The following RALGDS variants were observed in gnomAD, a reference collection of about 807,000 sequenced individuals.
RALGDS encodes ral guanine nucleotide exchange factor.
A neutral mutation model predicts 99.8 loss-of-function variants in RALGDS; 44 were observed. The ratio of observed to expected loss-of-function variants is 0.44; its 90% confidence interval spans 0.35 to 0.57. The LOEUF (loss-of-function observed/expected upper bound fraction) is 0.57, where lower values mean the gene tolerates loss of function less well. Among genes scored for constraint, RALGDS ranks in the 20% least tolerant of loss-of-function variants. RALGDS has a pLI of 0.01. For missense variants in RALGDS, 1,022 were observed against 1,203.1 expected (o/e 0.85, Z 2.23); for synonymous variants, 529 against 505.0 (o/e 1.05, Z -0.64).
In RALGDS at chr9:133,098,755, C is replaced by A; in HGVS notation, c.2577G>T (p.Lys859Asn). The A allele has an allele frequency of 6.2e-7, 1 of 1,613,960 alleles. No homozygotes were observed. Among genetic ancestry groups the A allele is most frequent in the Non-Finnish European group, 8.5e-7 (1 of 1,179,980 alleles). Residue 859 changes from lysine (K) to asparagine (N), a missense_variant, in exon 18 of 18, where the codon AAG becomes AAT. Around this residue, in one of 3 missense-constraint regions of RALGDS, gnomAD observed 825 missense variants for 994.5 expected, o/e 0.83. Coordinates refer to ENST00000372050, the MANE Select transcript of RALGDS (RefSeq NM_006266.4). Reference sequence around the variant, plus strand: ...AGAAGACGTTGGCGTTTTCAGGGATCTTCAGCTCTGGTGGGGAGGGGCAGA... The same window carrying A: ...AGAAGACGTTGGCGTTTTCAGGGATATTCAGCTCTGGTGGGGAGGGGCAGA... ...LQILSDDRKL[K>N]IPENANVFYA...
chr9:133,143,677 C>T (rs1265171046), intron 1 of RALGDS, among the ~76,000 whole-genome samples: 6 of 150,860 alleles, frequency 4.0e-5, no homozygotes, highest in Non-Finnish European at 7.4e-5. Flanking sequence ...AGGTCGAGGA[C>T]GCAGTGAGCC....
chr9:133,132,962 G>T (rs750743523), upstream of RALGDS, among the ~76,000 whole-genome samples: 1 of 152,182 alleles, frequency 6.6e-6, no homozygotes, highest in Non-Finnish European at 1.5e-5. Context: ...TCATAGTGGG[G>T]GTGGGGGACC....
At chr9:133,112,322 G>A (rs889586126) in intron 1 of RALGDS, among the ~76,000 whole-genome samples, 170 bp from the exon 2 acceptor site, 1 of 151,894 alleles carries the variant, frequency 6.6e-6, no homozygotes, top group Non-Finnish European at 1.5e-5. Flanking sequence ...CCACTGTCCC[G>A]GCACTCCACT....
At position 133,129,072 on chromosome 9, in the gene RALGDS, C is replaced by T. The variant is rs1832251456; in HGVS notation, c.132+1880G>A. The T allele has an allele frequency of 2.0e-6, 3 of 1,473,748 alleles. No homozygotes were observed. In the South Asian group the frequency reaches 4.0e-5, roughly 20 times the overall value. The allele number at this position is 1,473,748 out of a possible 1,614,324, so 91.3% of individuals were successfully genotyped here. A position where few individuals can be genotyped will look rare whatever the true frequency, so the allele number is the denominator to read the frequency against. On this transcript the variant is annotated intron_variant, in intron 1 of 17. Coordinates refer to the RALGDS transcript ENST00000372062. ...GAGTCCTGGGAAAGCAACTCCCATGCCTGGGGCTCGGCGGTGACCCACCCA... is the reference window on the plus strand; with the variant it reads ...GAGTCCTGGGAAAGCAACTCCCATGTCTGGGGCTCGGCGGTGACCCACCCA...
At position 133,112,102 on chromosome 9, in the gene RALGDS, G is replaced by A. The variant is rs765611594; in HGVS notation, c.234C>T (p.Ser78=). The part of the protein sequence containing the change: ...GEELINGVIY[S]ISLRKVQLHH... ...GCAGCTGCACCTTGCGCAGGGAGAT[G>A]GAGTAGATGACTCCGTTGATCAGCT... is the stretch of plus-strand genomic sequence containing the variant. Residue 78 remains serine (S), a synonymous_variant, in exon 2 of 18, where the codon TCC becomes TCT. Transcript: ENST00000372050. 3 of 1,585,414 alleles carry A rather than the reference G, an allele frequency of 1.9e-6. No homozygotes were observed. The highest frequency in any genetic ancestry group is 1.7e-5 in the Admixed American group (1 of 57,304).
intron 1 of RALGDS, chr9:133,129,108 G>T: frequency 1.3e-6 from 1 of 781,340 alleles, no homozygotes; most frequent in South Asian, 1.4e-5. Context: ...GCCCCTCCCC[G>T]GCAGAGGCAC....
chr9:133,140,491 A>G (rs1408619504), intron 1 of RALGDS, among the ~76,000 whole-genome samples: 1 of 152,086 alleles, frequency 6.6e-6, no homozygotes, highest in African/African-American at 2.4e-5. Flanking sequence ...TCCAGCAGAG[A>G]GGTCCTGCAC....
chr9:133,113,265 G>A (rs768474828), intron 1 of RALGDS, among the ~76,000 whole-genome samples: 18 of 152,316 alleles, frequency 1.2e-4, no homozygotes, highest in Middle Eastern at 3.4e-3. Flanking sequence ...GAGAAGGCCT[G>A]GCAGACAGTG....
In RALGDS at chr9:133,098,593, G is replaced by A. The variant is rs1486583138; in HGVS notation, c.2739C>T (p.Ile913=). 1.9e-6 allele frequency: 3 copies of A among 1,613,986 alleles called. No individual in the cohort carries two copies. Among genetic ancestry groups the A allele is most frequent in the Admixed American group, 3.3e-5 (2 of 60,014 alleles). ...KQKGLKIAKG[I]F is the part of the protein sequence containing the mutation. ...AGACCCTGGGAGGATGCCCTCAGAA[G>A]ATGCCCTTGGCAATCTTGAGTCCTT... is the stretch of plus-strand genomic sequence containing the variant. Residue 913 remains isoleucine, a synonymous_variant, in exon 18 of 18, where the codon ATC becomes ATT. Coordinates refer to ENST00000372050, the MANE Select transcript of RALGDS (RefSeq NM_006266.4).
Position 133,121,208 on chromosome 9 carries a change from G to A in RALGDS, c.-54C>T. 1.0e-6 allele frequency: 1 copy of A among 987,154 alleles called. No individual in the cohort carries two copies. The highest frequency in any genetic ancestry group is 1.2e-6 in the Non-Finnish European group (1 of 833,026). 61.1% of individuals were successfully genotyped at this position (987,154 alleles called of 1,614,324 possible). A position where few individuals can be genotyped will look rare whatever the true frequency, so the allele number is the denominator to read the frequency against. On this transcript the variant is annotated 5_prime_UTR_variant, in exon 1 of 18. Transcript: ENST00000372050. ...GGCCCGGCGCGCGGCGGGGGCGGCG[G>A]CGCGGCCCGCGCGGCTGGGCTTTGC... is the stretch of plus-strand genomic sequence containing the variant.
chr9:133,109,660 C>A lies in RALGDS; in HGVS notation c.550G>T (p.Asp184Tyr), dbSNP rs756045391. The stretch of plus-strand genomic sequence containing the variant: ...TGGTCCTGGGGTCCACCATCCTCGT[C>A]GGAATAGGGGAGGATGCAGCCGTAT... ...SRYGCILPYSDEDGGPQDQLK... is the reference protein window; with the variant it reads ...SRYGCILPYSYEDGGPQDQLK... Residue 184 changes from aspartate to tyrosine, a missense_variant, in exon 4 of 18, where the codon GAC (aspartate) becomes TAC (tyrosine). Asp to Tyr is a radical substitution (Grantham distance 160). This residue lies in a region of RALGDS where 825 missense variants were observed against 994.5 expected (regional missense o/e 0.83). Coordinates refer to ENST00000372050, the MANE Select transcript of RALGDS (RefSeq NM_006266.4). The A allele has an allele frequency of 1.9e-6, 3 of 1,613,790 alleles. No homozygotes were observed. The East Asian group carries it at 6.7e-5, about 36-fold the overall frequency.
intron 8 of RALGDS, 71 bp from the exon 9 acceptor site, chr9:133,106,087 T>C: frequency 8.1e-7 from 1 of 1,239,170 alleles, no homozygotes; most frequent in Non-Finnish European, 1.2e-6. Context: ...AAATCCGTTT[T>C]ATTTTAGAGC....
intron 1 of RALGDS, among the ~76,000 whole-genome samples, chr9:133,112,636 C>G (rs1377173447): frequency 1.3e-5 from 2 of 152,142 alleles, no homozygotes; most frequent in Admixed American, 1.3e-4. Flanking sequence ...TCCCCAGGGC[C>G]AGAGGCCCAT....
rs2119120205 is a variant in RALGDS, at chr9:133,101,541, G to T, written c.2433C>A (p.Gly811=). 7 of 1,612,284 alleles carry T rather than the reference G, an allele frequency of 4.3e-6. No individual in the cohort carries two copies. Among genetic ancestry groups the T allele is most frequent in the Non-Finnish European group, 5.9e-6 (7 of 1,180,030 alleles). The part of the protein sequence containing the change: ...IIRVSLDVDN[G]NMYKSILVTS... ...TTACCAGGATGCTCTTGTACATGTT[G>T]CCATTGTCCACGTCCAGGCTGACGC... The change falls in exon 16 of 18, where the codon GGC becomes GGA. Residue 811 remains glycine, a synonymous_variant. Coordinates refer to ENST00000372050, the MANE Select transcript of RALGDS (RefSeq NM_006266.4).
chr9:133,122,553 C>T (rs1351452247), upstream of RALGDS, among the ~76,000 whole-genome samples: 8 of 152,324 alleles, frequency 5.3e-5, no homozygotes, highest in East Asian at 1.9e-4. Context: ...GCAGTTCATC[C>T]GTTCAGAACA....
In RALGDS at chr9:133,108,388, GC is replaced by G; in HGVS notation, c.796del (p.Ala266LeufsTer2). ...AEPEALSPVP[A>X]LKPTPELELA... ...CTCGAGCTCTGGAGTTGGTTTTAGA[GC>G]TGGCACTGGTGACAGAGCTGCAAGA... On this transcript the variant is annotated frameshift_variant, in exon 6 of 18. Coordinates refer to ENST00000372050, the MANE Select transcript of RALGDS (RefSeq NM_006266.4). LOFTEE classifies it high-confidence loss of function. 6.5e-7 allele frequency: 1 copy of G among 1,536,924 alleles called. No homozygotes were observed. The highest frequency in any genetic ancestry group is 8.7e-7 in the Non-Finnish European group (1 of 1,146,842).
intron 11 of RALGDS, 23 bp downstream of exon 11, chr9:133,103,724 C>A: frequency 6.2e-7 from 1 of 1,612,234 alleles, no homozygotes; most frequent in Non-Finnish European, 8.5e-7. Context: ...GGGCCCTACT[C>A]CAGCCCCGCC....
rs755735198 is a variant in RALGDS, at chr9:133,104,276, C to T, written c.1658G>A (p.Arg553Gln). The change falls in exon 10 of 18, where the codon CGG becomes CAG. Residue 553 changes from arginine (R) to glutamine (Q), a missense_variant. By Grantham distance (43) the Arg-to-Gln change is conservative (BLOSUM62 1). This residue lies in a region of RALGDS where 825 missense variants were observed against 994.5 expected (regional missense o/e 0.83). Coordinates refer to ENST00000372050, the MANE Select transcript of RALGDS (RefSeq NM_006266.4). The part of the protein sequence containing the change: ...LEMNPKRAQK[R>Q]PKETGIIQGT... Reference sequence around the variant, plus strand: ...GGGCACTCTCACCGTCTCCTTCGGCCGTTTCTGGGCTCTCTTGGGGTTCAT... The same window carrying T: ...GGGCACTCTCACCGTCTCCTTCGGCTGTTTCTGGGCTCTCTTGGGGTTCAT... 2.6e-5 allele frequency: 42 copies of T among 1,613,904 alleles called. No homozygotes were observed. In the East Asian group the frequency reaches 3.8e-4, roughly 15 times the overall value.
At chr9:133,104,653 AAAT>A in intron 9 of RALGDS, 1 of 325,846 alleles carries the variant, frequency 3.1e-6, no homozygotes, top group Non-Finnish European at 5.9e-6. Context: ...CTCTACTAAA[AAAT>A]ACAAAAATTA....
Sources: gnomAD v4.1 joint callset for allele counts (sites outside exome capture counted in the v4.1 genomes callset) on GRCh38, gnomAD v4.1.1 for gene constraint, gnomAD v4.1.1 regional missense constraint, MANE v1.5 for transcripts, NCBI Gene and HGNC (gene_info 2026-07-23, HGNC 2026-07-21) for gene names.